The following ZNF248 variants were observed in gnomAD, a reference collection of about 807,000 sequenced individuals.
The protein encoded by ZNF248 is KRAB protein domain.
A neutral mutation model predicts 44.3 loss-of-function variants in ZNF248; 20 were observed. That is an observed-to-expected ratio of 0.45 (90% CI 0.32 to 0.66). ZNF248 has a LOEUF of 0.66. ZNF248 is among the 30% of genes least tolerant of loss of function. ZNF248 has a pLI of 0.04. For missense variants in ZNF248, 654 were observed against 677.0 expected, an observed-to-expected ratio of 0.97 and a Z score of 0.38; for synonymous variants, 224 against 229.0, an observed-to-expected ratio of 0.98 and a Z score of 0.20.
At chr10:37,797,242 A>C (rs568800675) in intron 6 of ZNF248, among the ~76,000 whole-genome samples, 2 of 150,900 alleles carry the variant, frequency 1.3e-5, no homozygotes, top group Non-Finnish European at 2.9e-5. Flanking sequence ...GATATGTTTC[A>C]GGAGGCTTCA....
At chr10:37,840,470 C>G (rs1200819128) in intron 3 of ZNF248, among the ~76,000 whole-genome samples, 1 of 152,046 alleles carries the variant, frequency 6.6e-6, no homozygotes, top group African/African-American at 2.4e-5. Flanking sequence ...AATGAGATAC[C>G]ATAATATTTA....
rs2133927454 is a variant in ZNF248, at chr10:37,832,624, T to C, written c.731A>G (p.Tyr244Cys). 1.2e-6 allele frequency: 2 copies of C among 1,613,492 alleles called. No individual in the cohort carries two copies. Among genetic ancestry groups the C allele is most frequent in the East Asian group, 2.2e-5 (1 of 44,860 alleles). Residue 244 changes from tyrosine to cysteine, a missense_variant, in exon 6 of 6, where the codon TAT (tyrosine) becomes TGT (cysteine). Coordinates refer to ENST00000395867, the MANE Select transcript of ZNF248 (RefSeq NM_021045.3). ...RSQIGETVCK[Y>C]NECGRTFIES... ...AATGAAGGTTCTTCCACATTCGTTA[T>C]ATTTACAGACTGTCTCTCCTATCTG...
downstream of ZNF248, among the ~76,000 whole-genome samples, chr10:37,827,038 T>C (rs2054487559): frequency 6.6e-6 from 1 of 152,180 alleles, no homozygotes; most frequent in Non-Finnish European, 1.5e-5. Context: ...AGAAGACTTA[T>C]TCTCCCAGTA....
intron 6 of ZNF248, among the ~76,000 whole-genome samples, chr10:37,800,061 A>C (rs980108955): frequency 1.3e-5 from 2 of 152,190 alleles, no homozygotes; most frequent in East Asian, 3.9e-4. Flanking sequence ...TAAAAATAAA[A>C]AAAGAAAAGA....
chr10:37,768,141 C>G, the ZNF248 span, among the ~76,000 whole-genome samples: 1 of 152,098 alleles, frequency 6.6e-6, no homozygotes, highest in South Asian at 2.1e-4. Context: ...CCTTAGCGAC[C>G]TACAAAGAAA....
At chr10:37,760,306 T>G in the ZNF248 span, among the ~76,000 whole-genome samples, 1 of 152,116 alleles carries the variant, frequency 6.6e-6, no homozygotes, top group African/African-American at 2.4e-5. Context: ...CACAGCTCAC[T>G]GTAGTCTCAA....
intron 3 of ZNF248, among the ~76,000 whole-genome samples, chr10:37,847,560 C>T (rs2059531252): frequency 6.6e-6 from 1 of 152,118 alleles, no homozygotes; most frequent in African/African-American, 2.4e-5. Context: ...TATTTTCAAA[C>T]ATATTTCAGA....
rs564254333 is a variant in ZNF248, at chr10:37,807,889, C to T, written c.330+25136G>A. ...TATGCCTTTTATTTATTTTTTATTG[C>T]CTAATTGCTCAGGCTAGAACTTCCA... is the stretch of plus-strand genomic sequence containing the variant. On this transcript the variant is annotated intron_variant, in intron 6 of 6. Coordinates refer to the ZNF248 transcript ENST00000615949. Among the ~76,000 whole-genome samples the T allele has an allele frequency of 2.0e-5, 3 of 152,060 alleles. No individual in the cohort carries two copies. In the South Asian group the frequency reaches 6.2e-4, roughly 32 times the overall value.
intron 6 of ZNF248, among the ~76,000 whole-genome samples, chr10:37,782,392 G>C (rs2047415733): frequency 6.6e-6 from 1 of 152,104 alleles, no homozygotes; most frequent in Non-Finnish European, 1.5e-5. Flanking sequence ...AATGGGTTAA[G>C]ATTTGGGGGC....
At chr10:37,817,681 G>T (rs200909) in intron 6 of ZNF248, among the ~76,000 whole-genome samples, 3 of 151,926 alleles carry the variant, frequency 2.0e-5, no homozygotes, top group Non-Finnish European at 2.9e-5. Flanking sequence ...ATATAAAAAA[G>T]GGGAGAGGGA....
At chr10:37,781,463 A>C (rs2047312332) in intron 6 of ZNF248, among the ~76,000 whole-genome samples, 1 of 152,238 alleles carries the variant, frequency 6.6e-6, no homozygotes. Context: ...CCCATGACCC[A>C]CAACTCTGCC....
rs1328053800 is a variant in ZNF248, at chr10:37,831,511, C to T, written c.*104G>A. 9.5e-6 allele frequency: 14 copies of T among 1,480,940 alleles called. No homozygotes were observed. The highest frequency in any genetic ancestry group is 2.6e-5 in the Admixed American group (1 of 37,882). 91.7% of individuals were successfully genotyped at this position (1,480,940 alleles called of 1,614,324 possible). A position where few individuals can be genotyped will look rare whatever the true frequency, so the allele number is the denominator to read the frequency against. ...TCTTGAAAGCTTTTACATATTCAAA[C>T]AAGAAGTCATTTTCTACAAATTTCT... On this transcript the variant is annotated 3_prime_UTR_variant, in exon 6 of 6. Transcript: ENST00000395867.
intron 6 of ZNF248, among the ~76,000 whole-genome samples, chr10:37,821,367 C>T (rs1341567189): frequency 2.0e-5 from 3 of 152,122 alleles, no homozygotes; most frequent in Non-Finnish European, 2.9e-5. Context: ...CCTGTCCAGT[C>T]ACATATTTGT....
At chr10:37,778,948 C>A (rs1457867526) in intron 6 of ZNF248, among the ~76,000 whole-genome samples, 1 of 152,126 alleles carries the variant, frequency 6.6e-6, no homozygotes, top group Non-Finnish European at 1.5e-5. Flanking sequence ...CATACACTCT[C>A]CCAAGACTAA....
chr10:37,832,168 G>A lies in ZNF248; in HGVS notation c.1187C>T (p.Thr396Ile). 6.2e-7 allele frequency: 1 copy of A among 1,614,070 alleles called. No homozygotes were observed. Among genetic ancestry groups the A allele is most frequent in the Non-Finnish European group, 8.5e-7 (1 of 1,179,976 alleles). The change falls in exon 6 of 6, where the codon ACT (threonine) becomes ATT (isoleucine). Residue 396 changes from threonine (T) to isoleucine (I), a missense_variant. Coordinates refer to ENST00000395867, the MANE Select transcript of ZNF248 (RefSeq NM_021045.3). ...TCCTGTGTGTGTTCTCTGATGTTGAGTGAGGTTTGACTTCTCCCAGAAGGT... is the reference window on the plus strand; with the variant it reads ...TCCTGTGTGTGTTCTCTGATGTTGAATGAGGTTTGACTTCTCCCAGAAGGT... ...GKTFWEKSNL[T>I]QHQRTHTGEK...
At chr10:37,808,151 C>T (rs1181656951) in intron 6 of ZNF248, among the ~76,000 whole-genome samples, 1 of 151,968 alleles carries the variant, frequency 6.6e-6, no homozygotes, top group Admixed American at 6.6e-5. Flanking sequence ...TGATGTATTA[C>T]ATTAGGTGGC....
downstream of ZNF248, chr10:37,828,692 C>G: frequency 1.0e-6 from 1 of 985,310 alleles, no homozygotes; most frequent in Non-Finnish European, 1.2e-6. Flanking sequence ...AAGCAATAGT[C>G]ATAACACATA....
chr10:37,769,284 C>A, the ZNF248 span, among the ~76,000 whole-genome samples: 1 of 152,134 alleles, frequency 6.6e-6, no homozygotes, highest in African/African-American at 2.4e-5. Context: ...AGGCCAGCAC[C>A]ATCCTGATAC....
At chr10:37,769,574 G>C in the ZNF248 span, among the ~76,000 whole-genome samples, 63 of 152,178 alleles carry the variant, frequency 4.1e-4, no homozygotes, top group East Asian at 6.8e-3. Flanking sequence ...ATTCAACAAT[G>C]CTTCATGCTA....
Sources: allele counts gnomAD v4.1 joint callset (sites outside exome capture counted in the v4.1 genomes callset), GRCh38; gene constraint gnomAD v4.1.1; transcripts MANE v1.5; gene names NCBI Gene and HGNC (gene_info 2026-07-23, HGNC 2026-07-21).